The following OPCML variants were observed in gnomAD, a reference collection of about 807,000 sequenced individuals.
OPCML encodes opioid binding protein/cell adhesion molecule like, also known as opioid-binding protein/cell adhesion molecule.
Under a neutral mutation model 37.8 loss-of-function variants are expected in OPCML, and 13 were observed. That is an observed-to-expected ratio of 0.34 (90% CI 0.22 to 0.55). OPCML has a LOEUF of 0.55. OPCML is among the 20% of genes least tolerant of loss of function. The pLI is 0.91. For synonymous variants in OPCML, 176 were observed against 168.8 expected (o/e 1.04, Z -0.33); for missense variants, 341 against 435.6 (o/e 0.78, Z 1.93).
intron 1 of OPCML, among the ~76,000 whole-genome samples, chr11:133,010,661 A>C (rs1056380307): frequency 6.6e-6 from 1 of 152,238 alleles, no homozygotes; most frequent in Non-Finnish European, 1.5e-5. Flanking sequence ...GTGTTGAATA[A>C]AGATATAAAA....
intron 2 of OPCML, among the ~76,000 whole-genome samples, chr11:132,916,126 T>C (rs899064982): frequency 1.8e-4 from 28 of 152,254 alleles, no homozygotes; most frequent in Admixed American, 1.5e-3. Flanking sequence ...ATCCATCTGC[T>C]ATTACTTTTT....
chr11:132,495,591 GT>G (rs1464361302), intron 4 of OPCML, among the ~76,000 whole-genome samples: 2 of 152,088 alleles, frequency 1.3e-5, no homozygotes, highest in African/African-American at 2.4e-5. Context: ...GTATAGAGTG[GT>G]TTAAAATGTT....
intron 2 of OPCML, among the ~76,000 whole-genome samples, chr11:132,781,943 T>TAA (rs1565859278): frequency 1.7e-5 from 1 of 58,434 alleles, no homozygotes; most frequent in African/African-American, 7.4e-5. Context: ...TATACATATA[T>TAA]ATATATATAT....
At chr11:133,238,293 T>C (rs1033843049) in intron 1 of OPCML, among the ~76,000 whole-genome samples, 1 of 152,202 alleles carries the variant, frequency 6.6e-6, no homozygotes, top group African/African-American at 2.4e-5. Flanking sequence ...GCACTTGCAA[T>C]GCAGCTGGTC....
chr11:132,982,932 T>C (rs540364997), intron 1 of OPCML, among the ~76,000 whole-genome samples: 18 of 152,050 alleles, frequency 1.2e-4, no homozygotes, highest in Admixed American at 3.3e-4. Flanking sequence ...AATCACAGAG[T>C]TGATACTCCT....
intron 1 of OPCML, among the ~76,000 whole-genome samples, chr11:133,027,240 T>C (rs1229534251): frequency 5.3e-5 from 8 of 152,216 alleles, no homozygotes; most frequent in African/African-American, 1.9e-4. Flanking sequence ...TACCACCAGG[T>C]TATTTCTCTA....
intron 2 of OPCML, 126 bp from the exon 3 acceptor site, chr11:132,657,445 A>G: frequency 6.9e-7 from 1 of 1,441,658 alleles, no homozygotes; most frequent in Non-Finnish European, 9.1e-7. Context: ...CACAGTGCTA[A>G]AAGGAAACAA....
chr11:133,181,442 A>T (rs1022530671), intron 1 of OPCML, among the ~76,000 whole-genome samples: 1 of 150,282 alleles, frequency 6.7e-6, no homozygotes, highest in Non-Finnish European at 1.5e-5. Context: ...TGAATCTGCA[A>T]TTAACTCAGA....
intron 1 of OPCML, among the ~76,000 whole-genome samples, chr11:133,129,928 A>C (rs1044005787): frequency 6.6e-6 from 1 of 152,160 alleles, no homozygotes; most frequent in African/African-American, 2.4e-5. Flanking sequence ...TAAATACATA[A>C]ATAAAAATAA....
At chr11:133,088,177 T>C (rs773360532) in intron 1 of OPCML, among the ~76,000 whole-genome samples, 11 of 152,184 alleles carry the variant, frequency 7.2e-5, no homozygotes, top group Non-Finnish European at 1.5e-4. Flanking sequence ...TGTAGGCAGG[T>C]AGTACACAAA....
At chr11:133,432,011 G>C (rs1206456797) in intron 1 of OPCML, among the ~76,000 whole-genome samples, 1 of 152,000 alleles carries the variant, frequency 6.6e-6, no homozygotes, top group Non-Finnish European at 1.5e-5. Context: ...ACCAAATACT[G>C]CATGTTCTCA....
At chr11:132,659,016 G>A (rs1429199240) in intron 2 of OPCML, among the ~76,000 whole-genome samples, 1 of 152,098 alleles carries the variant, frequency 6.6e-6, no homozygotes, top group African/African-American at 2.4e-5. Flanking sequence ...TACTTTCTAG[G>A]TAAGCGAGTT....
At chr11:132,459,923 C>T (rs2096095253) in intron 4 of OPCML, among the ~76,000 whole-genome samples, 1 of 152,072 alleles carries the variant, frequency 6.6e-6, no homozygotes, top group South Asian at 2.1e-4. Flanking sequence ...AAGTGACAGG[C>T]CCACATTATT....
intron 3 of OPCML, among the ~76,000 whole-genome samples, chr11:132,623,638 G>A (rs149363847): frequency 1.3e-3 from 198 of 152,132 alleles, no homozygotes; most frequent in Non-Finnish European, 2.2e-3. Flanking sequence ...TATATCATCC[G>A]ACATATCCTG....
chr11:132,639,105 G>T (rs1940695740), intron 3 of OPCML, among the ~76,000 whole-genome samples: 1 of 152,116 alleles, frequency 6.6e-6, no homozygotes, highest in African/African-American at 2.4e-5. Context: ...AAAGATGTTG[G>T]CAACATGTCA....
intron 4 of OPCML, among the ~76,000 whole-genome samples, chr11:132,458,564 C>T (rs568115213): frequency 1.1e-4 from 17 of 152,192 alleles, no homozygotes; most frequent in Non-Finnish European, 2.4e-4. Flanking sequence ...TTATTGAGGA[C>T]TTCTAACAAC....
chr11:133,477,666 C>T (rs1947273693), intron 1 of OPCML, among the ~76,000 whole-genome samples: 1 of 152,182 alleles, frequency 6.6e-6, no homozygotes, highest in African/African-American at 2.4e-5. Flanking sequence ...TGGCAGGAAG[C>T]ACAAACCAGC....
At chr11:133,398,682 A>G (rs1434191773) in intron 1 of OPCML, among the ~76,000 whole-genome samples, 2 of 152,184 alleles carry the variant, frequency 1.3e-5, no homozygotes, top group Non-Finnish European at 2.9e-5. Flanking sequence ...TGACCTAAAT[A>G]TCTTTGTTAT....
intron 1 of OPCML, among the ~76,000 whole-genome samples, chr11:133,466,576 T>A (rs1946982150): frequency 6.6e-6 from 1 of 152,222 alleles, no homozygotes; most frequent in South Asian, 2.1e-4. Flanking sequence ...CAATTTGGGA[T>A]TAAACTATGC....
Sources: allele counts gnomAD v4.1 joint callset (sites outside exome capture counted in the v4.1 genomes callset), GRCh38; gene constraint gnomAD v4.1.1; transcripts MANE v1.5; gene names NCBI Gene and HGNC (gene_info 2026-07-23, HGNC 2026-07-21).